Variants in SLC39A6 observed in about 807,000 individuals in gnomAD.
The protein encoded by SLC39A6 is zinc transporter ZIP6.
SLC39A6 carries 51 observed loss-of-function variants against 63.5 expected under a neutral mutation model. That is an observed-to-expected ratio of 0.80 (90% CI 0.64 to 1.01). SLC39A6 has a LOEUF of 1.01. Among genes scored for constraint, SLC39A6 ranks in the 50% least tolerant of loss-of-function variants. The pLI is 0.00. For synonymous variants in SLC39A6, 318 were observed against 324.7 expected, an observed-to-expected ratio of 0.98 and a Z score of 0.22; for missense variants, 805 against 927.8, an observed-to-expected ratio of 0.87 and a Z score of 1.72.
intron 4 of SLC39A6, 105 bp downstream of exon 4, chr18:36,123,390 A>G (rs2089409559): frequency 2.8e-6 from 3 of 1,086,954 alleles, no homozygotes; most frequent in Non-Finnish European, 3.9e-6. Flanking sequence ...AGCTTTTCTA[A>G]ACCAAATTTC....
chr18:36,118,705 G>A (rs918611281), intron 5 of SLC39A6, among the ~76,000 whole-genome samples: 2 of 152,322 alleles, frequency 1.3e-5, no homozygotes, highest in East Asian at 3.9e-4. Context: ...AACTAATGGA[G>A]CCACTGGAGG....
At chr18:36,127,917 T>A (rs535368943) in intron 1 of SLC39A6, among the ~76,000 whole-genome samples, 3 of 152,028 alleles carry the variant, frequency 2.0e-5, no homozygotes, top group Admixed American at 6.6e-5. Context: ...CAGCCTCAAA[T>A]AAGTGTATAC....
In SLC39A6 at chr18:36,114,450, T is replaced by C; in HGVS notation, c.1490A>G (p.Asp497Gly). ...ATCAAAGTGGGAGGGCTCTTGTGAGTCTGCTCGTAAATAGCCTTCAGTTCC... is the reference window on the plus strand; with the variant it reads ...ATCAAAGTGGGAGGGCTCTTGTGAGCCTGCTCGTAAATAGCCTTCAGTTCC... ...DDRTEGYLRA[D>G]SQEPSHFDSQ... The change falls in exon 7 of 10, where the codon GAC (aspartate) becomes GGC (glycine). Residue 497 changes from aspartate to glycine, a missense_variant. Physicochemically the swap from Asp to Gly is moderately conservative, Grantham distance 94 (BLOSUM62 -1). Transcript: ENST00000269187. 9.3e-6 allele frequency: 15 copies of C among 1,613,046 alleles called. No homozygotes were observed. The highest frequency in any genetic ancestry group is 1.2e-5 in the Non-Finnish European group (14 of 1,179,776).
intron 6 of SLC39A6, among the ~76,000 whole-genome samples, 200 bp downstream of exon 6, chr18:36,116,474 T>C (rs1427182536): frequency 6.6e-6 from 1 of 152,178 alleles, no homozygotes; most frequent in Non-Finnish European, 1.5e-5. Flanking sequence ...ATGAATTTAC[T>C]TCAAAATAAA....
chr18:36,116,336 T>TA (rs1318223410), intron 6 of SLC39A6, among the ~76,000 whole-genome samples: 1 of 152,066 alleles, frequency 6.6e-6, no homozygotes, highest in East Asian at 1.9e-4. Context: ...CTTTAGTCAC[T>TA]AAAAAATTAA....
chr18:36,120,273 A>T (rs563594714), intron 5 of SLC39A6, among the ~76,000 whole-genome samples: 1 of 152,242 alleles, frequency 6.6e-6, no homozygotes, highest in East Asian at 1.9e-4. Flanking sequence ...AGATAATTAA[A>T]TGAGATTAGA....
At position 36,109,433 on chromosome 18, in the gene SLC39A6, C is replaced by T. The variant is rs921110302; in HGVS notation, c.*160G>A. 2.2e-5 allele frequency: 11 copies of T among 507,426 alleles called. No individual in the cohort carries two copies. Among genetic ancestry groups the T allele is most frequent in the South Asian group, 7.7e-5 (2 of 26,018 alleles). 31.4% of individuals were successfully genotyped at this position (507,426 alleles called of 1,614,324 possible). A position where few individuals can be genotyped will look rare whatever the true frequency, so the allele number is the denominator to read the frequency against. On this transcript the variant is annotated 3_prime_UTR_variant, in exon 10 of 10. Coordinates refer to ENST00000269187, the MANE Select transcript of SLC39A6 (RefSeq NM_012319.4). ...AGATAGAATAACTTAAATATTAAAACGTACCTTTAACTGACTTTGTAACAG... is the reference window on the plus strand; with the variant it reads ...AGATAGAATAACTTAAATATTAAAATGTACCTTTAACTGACTTTGTAACAG...
Position 36,112,577 on chromosome 18 carries a change from A to G in SLC39A6, c.1848T>C (p.Ala616=). 1 of 1,613,004 alleles carries G rather than the reference A, an allele frequency of 6.2e-7. No individual in the cohort carries two copies. The highest frequency in any genetic ancestry group is 8.5e-7 in the Non-Finnish European group (1 of 1,179,130). Residue 616 remains alanine (A), a synonymous_variant, in exon 8 of 10, where the codon GCT becomes GCC. Coordinates refer to ENST00000269187, the MANE Select transcript of SLC39A6 (RefSeq NM_012319.4). ...CACTTGATAAGCCTTCAGTAAAAGC[A>G]GCACCTGTGTAAAAATCAATCAGAA... ...HNFSDGLAIG[A]AFTEGLSSGL...
chr18:36,115,874 G>C (rs2089341352), intron 6 of SLC39A6, among the ~76,000 whole-genome samples: 1 of 152,152 alleles, frequency 6.6e-6, no homozygotes, highest in Non-Finnish European at 1.5e-5. Flanking sequence ...GAGAAACATG[G>C]TAGATACAAC....
At chr18:36,116,070 G>A (rs2089342726) in intron 6 of SLC39A6, among the ~76,000 whole-genome samples, 1 of 152,144 alleles carries the variant, frequency 6.6e-6, no homozygotes, top group African/African-American at 2.4e-5. Context: ...ATTTGATCCT[G>A]AATTGTACTC....
Position 36,127,015 on chromosome 18 carries a change from T to A in SLC39A6, c.-8A>T, listed in dbSNP as rs2089445954. ...AGATAACTTCCTCGCCATTGCGCCT[T>A]CCTAGAAAAGACAGGAAAAAAAAAT... On this transcript the variant is annotated splice_region_variant and 5_prime_UTR_variant, in exon 2 of 10. Coordinates refer to ENST00000269187, the MANE Select transcript of SLC39A6 (RefSeq NM_012319.4). 1 of 1,576,942 alleles carries A rather than the reference T, an allele frequency of 6.3e-7. No homozygotes were observed. The highest frequency in any genetic ancestry group is 1.2e-5 in the South Asian group (1 of 85,946).
intron 2 of SLC39A6, among the ~76,000 whole-genome samples, chr18:36,125,456 A>T (rs1383793266): frequency 6.6e-6 from 1 of 152,138 alleles, no homozygotes; most frequent in Non-Finnish European, 1.5e-5. Context: ...AGTTGGTACA[A>T]CTCAGAGCAA....
Position 36,114,482 on chromosome 18 carries a change from T to C in SLC39A6, c.1466-8A>G. The C allele has an allele frequency of 6.2e-7, 1 of 1,601,236 alleles. No homozygotes were observed. The highest frequency in any genetic ancestry group is 8.5e-7 in the Non-Finnish European group (1 of 1,175,374). ...GTAAATAGCCTTCAGTTCCTAGGAATAAACATAAAGGGCATGGGGACAGTT... is the reference window on the plus strand; with the variant it reads ...GTAAATAGCCTTCAGTTCCTAGGAACAAACATAAAGGGCATGGGGACAGTT... On this transcript the variant is annotated splice_region_variant and splice_polypyrimidine_tract_variant and intron_variant, in intron 6 of 9. Coordinates refer to ENST00000269187, the MANE Select transcript of SLC39A6 (RefSeq NM_012319.4).
At chr18:36,125,041 G>T (rs1221809106) in intron 2 of SLC39A6, among the ~76,000 whole-genome samples, 1 of 152,122 alleles carries the variant, frequency 6.6e-6, no homozygotes, top group Non-Finnish European at 1.5e-5. Context: ...ATTTCAAAAT[G>T]GGGCTCATCA....
At position 36,123,628 on chromosome 18, in the gene SLC39A6, C is replaced by T; in HGVS notation, c.1007G>A (p.Ser336Asn). 1 of 1,610,576 alleles carries T rather than the reference C, an allele frequency of 6.2e-7. No individual in the cohort carries two copies. Among genetic ancestry groups the T allele is most frequent in the Non-Finnish European group, 8.5e-7 (1 of 1,179,180 alleles). The change falls in exon 4 of 10, where the codon AGT (serine) becomes AAT (asparagine). Residue 336 changes from serine to asparagine, a missense_variant. Physicochemically the swap from Ser to Asn is conservative, Grantham distance 46 (BLOSUM62 1). This residue lies in a region of SLC39A6 where 639 missense variants were observed against 644.0 expected (regional missense o/e 0.99). Coordinates refer to ENST00000269187, the MANE Select transcript of SLC39A6 (RefSeq NM_012319.4). ...GATAACCCCCAGCAGAGACAGGAAACTGATGATGGAAATGGCTATAAAACC... is the reference window on the plus strand; with the variant it reads ...GATAACCCCCAGCAGAGACAGGAAATTGATGATGGAAATGGCTATAAAACC... ...VGGFIAISIISFLSLLGVILV... is the reference protein window; with the variant it reads ...VGGFIAISIINFLSLLGVILV...
chr18:36,116,940 C>T (rs574611421), intron 5 of SLC39A6, among the ~76,000 whole-genome samples, 161 bp from the exon 6 acceptor site: 4 of 152,302 alleles, frequency 2.6e-5, no homozygotes, highest in Admixed American at 2.0e-4. Context: ...GGGAACTTGT[C>T]AGAAATGCAT....
chr18:36,121,935 A>T, intron 5 of SLC39A6, 117 bp downstream of exon 5: 2 of 694,436 alleles, frequency 2.9e-6, no homozygotes, highest in Non-Finnish European at 4.8e-6. Context: ...AAGGGTACTG[A>T]ACTCCCTCTC....
chr18:36,121,145 ACTTTT>A (rs1278683599), intron 5 of SLC39A6, among the ~76,000 whole-genome samples: 7 of 150,618 alleles, frequency 4.6e-5, no homozygotes, highest in African/African-American at 1.7e-4. Flanking sequence ...TGAACACATC[ACTTTT>A]CTTTTCTTTT....
At chr18:36,117,574 A>G (rs1377493670) in intron 5 of SLC39A6, among the ~76,000 whole-genome samples, 1 of 152,188 alleles carries the variant, frequency 6.6e-6, no homozygotes, top group Non-Finnish European at 1.5e-5. Flanking sequence ...GTGTCTGTGT[A>G]TCATCTACTT....
Sources: allele counts gnomAD v4.1 joint callset (sites outside exome capture counted in the v4.1 genomes callset), GRCh38; gene constraint gnomAD v4.1.1; regional missense constraint gnomAD v4.1.1; transcripts MANE v1.5; gene names NCBI Gene and HGNC (gene_info 2026-07-23, HGNC 2026-07-21).